ZNF385B: variants seen among roughly 807,000 people sequenced by gnomAD.
The protein encoded by ZNF385B is zinc finger protein 533.
Under a neutral mutation model 39.2 loss-of-function variants are expected in ZNF385B, and 23 were observed. That is an observed-to-expected ratio of 0.59 (90% CI 0.42 to 0.83). The LOEUF is 0.83. ZNF385B is among the 40% of genes least tolerant of loss of function. The pLI, the probability that ZNF385B is intolerant of heterozygous loss-of-function variation, is 0.00. For synonymous variants in ZNF385B, 205 were observed against 222.6 expected (o/e 0.92, Z 0.70); for missense variants, 552 against 598.9 (o/e 0.92, Z 0.82).
Position 179,803,311 on chromosome 2 carries a change from G to T in ZNF385B, c.-154-32639C>A, listed in dbSNP as rs544050141. Among the ~76,000 whole-genome samples the T allele has an allele frequency of 3.9e-5, 6 of 152,078 alleles. No homozygotes were observed. The East Asian group carries it at 1.2e-3, about 29-fold the overall frequency. ...ATGAACATTTCCACAGTAATGTTTC[G>T]TTATACTTAACAAAAAAACAGACAA... is the stretch of plus-strand genomic sequence containing the variant. On this transcript the variant is annotated intron_variant, in intron 1 of 9. Coordinates refer to ENST00000410066, the MANE Select transcript of ZNF385B (RefSeq NM_152520.6).
At chr2:179,698,048 G>T (rs1698902224) in intron 3 of ZNF385B, among the ~76,000 whole-genome samples, 1 of 152,142 alleles carries the variant, frequency 6.6e-6, no homozygotes, top group African/African-American at 2.4e-5. Flanking sequence ...TCGTGGAGTG[G>T]AGTGAGGGGG....
intron 1 of ZNF385B, among the ~76,000 whole-genome samples, chr2:179,836,264 C>G (rs1172860664): frequency 6.6e-6 from 1 of 152,202 alleles, no homozygotes; most frequent in East Asian, 1.9e-4. Flanking sequence ...GATCTTGCCT[C>G]TCTTATCCAC....
chr2:179,826,577 CT>C (rs1707694810), intron 1 of ZNF385B, among the ~76,000 whole-genome samples: 1 of 152,110 alleles, frequency 6.6e-6, no homozygotes, highest in African/African-American at 2.4e-5. Context: ...AGCACTCTCC[CT>C]TAAAGCAGGG....
chr2:179,611,309 A>G (rs967579988), intron 3 of ZNF385B, among the ~76,000 whole-genome samples: 1 of 152,208 alleles, frequency 6.6e-6, no homozygotes, highest in Non-Finnish European at 1.5e-5. Context: ...CATATGGTTT[A>G]TGGTTTTTGT....
intron 3 of ZNF385B, among the ~76,000 whole-genome samples, chr2:179,653,021 C>T (rs1693345782): frequency 6.6e-6 from 1 of 151,944 alleles, no homozygotes; most frequent in South Asian, 2.1e-4. Flanking sequence ...TGTATTTAGC[C>T]CATAATATAT....
chr2:179,577,492 T>C (rs1375024659), intron 3 of ZNF385B, among the ~76,000 whole-genome samples: 1 of 152,150 alleles, frequency 6.6e-6, no homozygotes, highest in Non-Finnish European at 1.5e-5. Context: ...TTATATAGTG[T>C]CAGCATCTAC....
intron 3 of ZNF385B, among the ~76,000 whole-genome samples, chr2:179,671,913 G>A (rs1696060031): frequency 1.3e-5 from 2 of 152,384 alleles, no homozygotes; most frequent in Admixed American, 6.5e-5. Context: ...CTAGGGCAAG[G>A]CCTAGCAGAA....
intron 3 of ZNF385B, among the ~76,000 whole-genome samples, chr2:179,622,239 T>G (rs998578572): frequency 9.2e-5 from 14 of 152,164 alleles, no homozygotes; most frequent in Non-Finnish European, 1.5e-4. Context: ...TTAATAAAAA[T>G]GTAGTATAAC....
chr2:179,861,584 G>C lies in ZNF385B; in HGVS notation c.-638C>G, dbSNP rs943109267. ...GAGGCACACAGAGAGGGAATGAGGC[G>C]GAACCGTTCGGGGGCTCGTTGACAC... On this transcript the variant is annotated 5_prime_UTR_variant, in exon 1 of 10. Transcript: ENST00000410066. The C allele has an allele frequency of 6.6e-6, 1 of 152,224 alleles. No homozygotes were observed. 9.4% of individuals were successfully genotyped at this position (152,224 alleles called of 1,614,324 possible). A position where few individuals can be genotyped will look rare whatever the true frequency, so the allele number is the denominator to read the frequency against.
intron 1 of ZNF385B, among the ~76,000 whole-genome samples, chr2:179,804,476 CA>C (rs1250451961): frequency 6.6e-6 from 1 of 152,172 alleles, no homozygotes; most frequent in Non-Finnish European, 1.5e-5. Flanking sequence ...TCATGATCTA[CA>C]GGAGCCTGAA....
At chr2:179,707,064 C>A (rs1699655901) in intron 3 of ZNF385B, among the ~76,000 whole-genome samples, 2 of 152,172 alleles carry the variant, frequency 1.3e-5, no homozygotes, top group Non-Finnish European at 2.9e-5. Context: ...AGGTTCCTGT[C>A]CTAGCTGCAC....
chr2:179,789,381 A>C lies in ZNF385B; in HGVS notation c.-154-18709T>G, dbSNP rs920458974. Among the ~76,000 whole-genome samples the C allele has an allele frequency of 1.3e-5, 2 of 152,202 alleles. 1 individual carries two copies. Among genetic ancestry groups the C allele is most frequent in the South Asian group, 4.1e-4 (2 of 4,830 alleles). On this transcript the variant is annotated intron_variant, in intron 1 of 9. Transcript: ENST00000410066. ...TTGTTCAGCCACTGAAACAAATCTTAATATCCTCGGGTGACTATATCAGAC... is the reference window on the plus strand; with the variant it reads ...TTGTTCAGCCACTGAAACAAATCTTCATATCCTCGGGTGACTATATCAGAC...
chr2:179,514,425 T>A (rs1263096121), intron 5 of ZNF385B, among the ~76,000 whole-genome samples: 2 of 152,234 alleles, frequency 1.3e-5, no homozygotes, highest in Non-Finnish European at 2.9e-5. Context: ...ATCTACTACC[T>A]TAATTCTGCT....
intron 1 of ZNF385B, among the ~76,000 whole-genome samples, chr2:179,839,948 C>A (rs1003535196): frequency 3.0e-4 from 45 of 152,126 alleles, no homozygotes; most frequent in Admixed American, 6.5e-4. Context: ...TCCCATCTCC[C>A]GCCAACATTT....
intron 1 of ZNF385B, among the ~76,000 whole-genome samples, chr2:179,829,880 C>G (rs2106595126): frequency 6.6e-6 from 1 of 152,244 alleles, no homozygotes; most frequent in Middle Eastern, 3.4e-3. Flanking sequence ...ATAGAAGAAA[C>G]TTAACTGAAA....
chr2:179,532,269 G>A (rs1370348551), intron 4 of ZNF385B, among the ~76,000 whole-genome samples: 2 of 152,052 alleles, frequency 1.3e-5, no homozygotes, highest in South Asian at 2.1e-4. Flanking sequence ...TCAAATATAC[G>A]CAAAGCCCTC....
intron 3 of ZNF385B, among the ~76,000 whole-genome samples, chr2:179,651,935 G>A (rs879424743): frequency 8.5e-5 from 13 of 152,078 alleles, no homozygotes; most frequent in Admixed American, 7.9e-4. Flanking sequence ...AGAAAACAAC[G>A]GAACGGAAAA....
chr2:179,571,077 T>C (rs1279802379), intron 3 of ZNF385B, among the ~76,000 whole-genome samples: 1 of 152,252 alleles, frequency 6.6e-6, no homozygotes, highest in Non-Finnish European at 1.5e-5. Context: ...TATATAGTGA[T>C]ATTACATGCA....
At chr2:179,576,249 C>T (rs553995361) in intron 3 of ZNF385B, 82 of 892,124 alleles carry the variant, frequency 9.2e-5, no homozygotes, top group East Asian at 1.2e-4. Context: ...TCTCCCATGC[C>T]GCTGCCAGAT....
Sources: gnomAD v4.1 joint callset for allele counts (sites outside exome capture counted in the v4.1 genomes callset) on GRCh38, gnomAD v4.1.1 for gene constraint, MANE v1.5 for transcripts, NCBI Gene and HGNC (gene_info 2026-07-23, HGNC 2026-07-21) for gene names.